The following KCNIP4 variants were observed in gnomAD, a reference collection of about 807,000 sequenced individuals.
The protein encoded by KCNIP4 is Kv channel-interacting protein 4.
Under a neutral mutation model 34.0 loss-of-function variants are expected in KCNIP4, and 12 were observed. The ratio of observed to expected loss-of-function variants is 0.35; its 90% CI spans 0.23 to 0.57. The LOEUF (loss-of-function observed/expected upper bound fraction) is 0.57. KCNIP4 is among the 20% of genes least tolerant of loss of function. The pLI, the probability that KCNIP4 is intolerant of heterozygous loss-of-function variation, is 0.83. For synonymous variants in KCNIP4, 124 were observed against 102.2 expected, an observed-to-expected ratio of 1.21 and a Z score of -1.29; for missense variants, 238 against 311.7, an observed-to-expected ratio of 0.76 and a Z score of 1.78.
chr4:21,232,739 C>T (rs538795739), intron 1 of KCNIP4, among the ~76,000 whole-genome samples: 3 of 152,130 alleles, frequency 2.0e-5, no homozygotes, highest in African/African-American at 4.8e-5. Flanking sequence ...TTCTTGCCTT[C>T]GAAGAAATTT....
intron 1 of KCNIP4, among the ~76,000 whole-genome samples, chr4:21,112,050 T>TATCTATCTGTCTATCC (rs1749250534): frequency 6.6e-6 from 1 of 151,754 alleles, no homozygotes; most frequent in Admixed American, 6.6e-5. Flanking sequence ...TCTATCTATC[T>TATCTATCTGTCTATCC]ATCTATCTAT....
chr4:21,247,742 A>ATATATATATATAT (rs1760349476), intron 1 of KCNIP4, among the ~76,000 whole-genome samples: 1 of 121,506 alleles, frequency 8.2e-6, no homozygotes, highest in Middle Eastern at 3.9e-3. Context: ...GTGGATATAT[A>ATATATATATATAT]TATATATATA....
chr4:21,181,310 A>C (rs1292837493), intron 1 of KCNIP4, among the ~76,000 whole-genome samples: 1 of 152,096 alleles, frequency 6.6e-6, no homozygotes, highest in Non-Finnish European at 1.5e-5. Context: ...GGCTCCAAAC[A>C]TGGAAACTGG....
intron 1 of KCNIP4, among the ~76,000 whole-genome samples, chr4:21,624,200 C>A (rs903806555): frequency 2.0e-5 from 3 of 152,066 alleles, no homozygotes; most frequent in African/African-American, 7.2e-5. Flanking sequence ...CTTGAACTCC[C>A]AAGTCAGCTT....
chr4:21,856,245 A>G (rs1315846917), intron 1 of KCNIP4, among the ~76,000 whole-genome samples: 1 of 152,228 alleles, frequency 6.6e-6, no homozygotes, highest in Non-Finnish European at 1.5e-5. Flanking sequence ...ATCTTATTAG[A>G]TGTAGGGATG....
At chr4:21,752,403 C>T (rs1404950053) in intron 1 of KCNIP4, among the ~76,000 whole-genome samples, 1 of 151,994 alleles carries the variant, frequency 6.6e-6, no homozygotes, top group Non-Finnish European at 1.5e-5. Context: ...GGAAGAGCCC[C>T]TTGTAAAACC....
At chr4:21,144,012 G>A (rs1171265312) in intron 1 of KCNIP4, among the ~76,000 whole-genome samples, 1 of 152,066 alleles carries the variant, frequency 6.6e-6, no homozygotes, top group African/African-American at 2.4e-5. Context: ...CAGGCCCAGA[G>A]TTCTTATTCT....
chr4:21,287,481 A>G (rs1458456964), intron 1 of KCNIP4, among the ~76,000 whole-genome samples: 1 of 152,224 alleles, frequency 6.6e-6, no homozygotes, highest in Non-Finnish European at 1.5e-5. Flanking sequence ...GGCACTGCTC[A>G]AAGTGAACAG....
intron 1 of KCNIP4, among the ~76,000 whole-genome samples, chr4:20,936,145 G>A (rs571130814): frequency 2.6e-5 from 4 of 152,058 alleles, no homozygotes; most frequent in South Asian, 2.1e-4. Context: ...GTTATTCAAA[G>A]GATTAATTTA....
intron 1 of KCNIP4, among the ~76,000 whole-genome samples, chr4:21,230,934 G>T (rs1397053076): frequency 6.6e-6 from 1 of 152,078 alleles, no homozygotes; most frequent in Non-Finnish European, 1.5e-5. Flanking sequence ...TTGAGGAATC[G>T]CCACATTGTC....
intron 1 of KCNIP4, among the ~76,000 whole-genome samples, chr4:21,761,644 A>T (rs942634718): frequency 2.6e-5 from 4 of 152,054 alleles, no homozygotes; most frequent in Non-Finnish European, 5.9e-5. Flanking sequence ...AAGCAAAAAA[A>T]AACTCTCAAA....
rs575866933 is a variant in KCNIP4 at position 20,893,769 on chromosome 4, G to A, written c.62-11060C>T. Among the ~76,000 whole-genome samples, 134 of 151,892 alleles carry A rather than the reference G, an allele frequency of 8.8e-4. 1 individual carries two copies. The highest frequency in any genetic ancestry group is 3.1e-3 in the African/African-American group (127 of 41,450). ...CCTGTATATGAGGTAAGCAGCCAAA[G>A]CAAAAAGGAATTTATCAAAAATGAC... is the stretch of plus-strand genomic sequence containing the variant. On this transcript the variant is annotated intron_variant, in intron 1 of 8. Coordinates refer to ENST00000382152, the MANE Select transcript of KCNIP4 (RefSeq NM_025221.6).
intron 1 of KCNIP4, among the ~76,000 whole-genome samples, chr4:20,947,321 A>G (rs1471554674): frequency 6.6e-6 from 1 of 152,108 alleles, no homozygotes; most frequent in African/African-American, 2.4e-5. Flanking sequence ...GACATGCACC[A>G]ACACTCTCGG....
intron 1 of KCNIP4, among the ~76,000 whole-genome samples, chr4:20,957,657 T>A (rs1360786680): frequency 8.5e-5 from 13 of 152,096 alleles, no homozygotes; most frequent in African/African-American, 2.9e-4. Flanking sequence ...CCTTCAGATA[T>A]GGGATAACGA....
At chr4:21,201,768 G>C (rs191064935) in intron 1 of KCNIP4, among the ~76,000 whole-genome samples, 1 of 152,298 alleles carries the variant, frequency 6.6e-6, no homozygotes, top group African/African-American at 2.4e-5. Context: ...AAAATGCTGG[G>C]ATTATAGGCG....
In KCNIP4 at chr4:20,768,889, G is replaced by T. The variant is rs1354786713; in HGVS notation, c.289-9999C>A. 2.0e-5 allele frequency among the ~76,000 whole-genome samples: 3 copies of T among 152,130 alleles called. No individual in the cohort carries two copies. The East Asian group carries it at 5.8e-4, about 29-fold the overall frequency. ...TGACCTAGATACTATCCTTGGAAAA[G>T]GAATGAGAGCTGGGTGACCAAGATT... On this transcript the variant is annotated intron_variant, in intron 3 of 8. Transcript: ENST00000382152.
intron 1 of KCNIP4, among the ~76,000 whole-genome samples, chr4:21,026,459 G>C (rs1226100254): frequency 6.6e-6 from 1 of 152,090 alleles, no homozygotes; most frequent in Non-Finnish European, 1.5e-5. Context: ...TTTGAGACCA[G>C]CTGGGGCAAC....
intron 1 of KCNIP4, among the ~76,000 whole-genome samples, chr4:21,909,802 A>G (rs1288190223): frequency 6.6e-6 from 1 of 152,090 alleles, no homozygotes; most frequent in African/African-American, 2.4e-5. Context: ...TTACATGGCG[A>G]CAGGCAAAGG....
At chr4:21,193,590 T>C (rs945310797) in intron 1 of KCNIP4, among the ~76,000 whole-genome samples, 3 of 150,518 alleles carry the variant, frequency 2.0e-5, no homozygotes, top group Admixed American at 1.3e-4. Context: ...TTTTTTTTTT[T>C]TGAGACGGAG....
Sources: allele counts gnomAD v4.1 joint callset (sites outside exome capture counted in the v4.1 genomes callset), GRCh38; gene constraint gnomAD v4.1.1; transcripts MANE v1.5; gene names NCBI Gene and HGNC (gene_info 2026-07-23, HGNC 2026-07-21).